ZNF626: variants seen among roughly 807,000 people sequenced by gnomAD.
ZNF626 encodes the protein CTC-513N18.7.
Under a neutral mutation model 11.7 loss-of-function variants are expected in ZNF626, and 4 were observed. The observed-to-expected ratio is 0.34, with a 90% CI of 0.17 to 0.78. The LOEUF (loss-of-function observed/expected upper bound fraction) is 0.78, where lower values mean the gene tolerates loss of function less well. Ranked by LOEUF, ZNF626 falls within the 30% of genes least tolerant of loss-of-function variation. The pLI is 0.57. For missense variants in ZNF626, 588 were observed against 587.1 expected (o/e 1.00, Z -0.01); for synonymous variants, 179 against 198.6 (o/e 0.90, Z 0.83).
At chr19:20,641,240 G>A (rs1410880977) in intron 3 of ZNF626, among the ~76,000 whole-genome samples, 1 of 150,976 alleles carries the variant, frequency 6.6e-6, no homozygotes, top group Non-Finnish European at 1.5e-5. Context: ...CAACCCAGAT[G>A]TCTCTTGATT....
At chr19:20,661,070 A>G (rs612578) in intron 1 of ZNF626, among the ~76,000 whole-genome samples, 32,709 of 152,144 alleles carry the variant, frequency 0.21, 4,098 homozygotes, top group East Asian at 0.37. Context: ...GAGAAAAGAG[A>G]AACTGTAAAC....
rs1599470045 is a variant in ZNF626, at chr19:20,624,830, G to C, written c.1047C>G (p.Ala349=). Residue 349 remains alanine (A), a synonymous_variant, in exon 4 of 4, where the codon GCC becomes GCG. Transcript: ENST00000601440. ...KPYKCEECGK[A]FKYSSTLTTH... is the part of the protein sequence containing the mutation. ...TAGTAAGGGTAGAGGAGTACTTAAA[G>C]GCTTTGCCACATTCTTCACATTTGT... 1 of 1,613,196 alleles carries C rather than the reference G, an allele frequency of 6.2e-7. No individual in the cohort carries two copies. Among genetic ancestry groups the C allele is most frequent in the South Asian group, 1.1e-5 (1 of 91,028 alleles).
chr19:20,625,157 G>A lies in ZNF626; in HGVS notation c.720C>T (p.His240=), dbSNP rs201517482. The change falls in exon 4 of 4, where the codon CAC becomes CAT. Residue 240 remains histidine, a synonymous_variant. Coordinates refer to ENST00000601440, the MANE Select transcript of ZNF626 (RefSeq NM_001076675.3). Reference sequence around the variant, plus strand: ...TCTTATGTGTAGTAAGAGTGGAGGAGTGCTTAAAGGCTTTGCCACATTCTT... The same window carrying A: ...TCTTATGTGTAGTAAGAGTGGAGGAATGCTTAAAGGCTTTGCCACATTCTT... ...KCEECGKAFK[H]SSTLTTHKRN... The A allele has an allele frequency of 5.6e-6, 9 of 1,611,624 alleles. No homozygotes were observed. The highest frequency in any genetic ancestry group is 1.3e-5 in the African/African-American group (1 of 74,440).
At position 20,625,112 on chromosome 19, in the gene ZNF626, T is replaced by C; in HGVS notation, c.765A>G (p.Lys255=). ...TGCCACATTTATCACACTTGTAGGG[T>C]TTCTCTCCAGTATGATTTCTCTTAT... ...TTHKRNHTGE[K]PYKCDKCGKA... is the part of the protein sequence containing the mutation. The change falls in exon 4 of 4, where the codon AAA becomes AAG. Residue 255 remains lysine (K), a synonymous_variant. Transcript: ENST00000601440. The C allele has an allele frequency of 1.2e-6, 2 of 1,613,150 alleles. No individual in the cohort carries two copies. The highest frequency in any genetic ancestry group is 1.1e-5 in the South Asian group (1 of 91,004).
At chr19:20,657,701 A>G (rs1970219849) in intron 1 of ZNF626, among the ~76,000 whole-genome samples, 2 of 152,208 alleles carry the variant, frequency 1.3e-5, no homozygotes, top group African/African-American at 4.8e-5. Context: ...GCTACATAGG[A>G]GGCTGAGGCA....
At chr19:20,630,231 G>T (rs35447331) in intron 3 of ZNF626, among the ~76,000 whole-genome samples, 68,339 of 151,848 alleles carry the variant, frequency 0.45, 16,654 homozygotes, top group African/African-American at 0.64. Flanking sequence ...GATATTGGTC[G>T]AAAATTCTCT....
intron 3 of ZNF626, among the ~76,000 whole-genome samples, chr19:20,640,452 TAAC>T (rs1376088544): frequency 6.6e-6 from 1 of 150,940 alleles, no homozygotes; most frequent in Non-Finnish European, 1.5e-5. Context: ...AATTCAAGAG[TAAC>T]AACATCCCTT....
chr19:20,625,529 TC>T lies in ZNF626; in HGVS notation c.347del (p.Gly116AspfsTer3), dbSNP rs782250960. 12 of 1,613,460 alleles carry T rather than the reference TC, an allele frequency of 7.4e-6. No individual in the cohort carries two copies. The African/African-American group carries it at 8.0e-5, about 11-fold the overall frequency. ...CEHDNLQLKKGCISVDECKVH... is the reference protein window; with the variant it reads ...CEHDNLQLKKXCISVDECKVH... ...CCTTACACTCATCCACACTTATACA[TC>T]CTTTTTTTAACTGTAAATTGTCATG... On this transcript the variant is annotated frameshift_variant, in exon 4 of 4. Transcript: ENST00000601440. LOFTEE classifies it low-confidence loss of function (END_TRUNC).
intron 1 of ZNF626, among the ~76,000 whole-genome samples, chr19:20,656,935 T>C (rs917634774): frequency 6.6e-6 from 1 of 152,242 alleles, no homozygotes; most frequent in African/African-American, 2.4e-5. Context: ...CCCAGGAATC[T>C]CATAATTGGG....
chr19:20,645,753 T>G lies in ZNF626; in HGVS notation c.157A>C (p.Ile53Leu), dbSNP rs1970070402. ...LGITVSKPDL[I>L]TCLEQGRKPL... ...TTTCTTCCTTGCTCCAGACAGGTGA[T>G]CAGGTCTGGCTTAGAAACAGTAATA... The change falls in exon 3 of 4, where the codon ATC becomes CTC. Residue 53 changes from isoleucine to leucine, a missense_variant. Ile to Leu is a conservative substitution (Grantham distance 5). This residue lies in a region of ZNF626 where 524 missense variants were observed against 470.1 expected (regional missense o/e 1.11). Transcript: ENST00000601440. 1 of 1,610,936 alleles carries G rather than the reference T, an allele frequency of 6.2e-7. No homozygotes were observed. Among genetic ancestry groups the G allele is most frequent in the Admixed American group, 1.7e-5 (1 of 58,798 alleles).
intron 1 of ZNF626, among the ~76,000 whole-genome samples, chr19:20,653,651 A>G (rs1219117020): frequency 6.4e-5 from 6 of 93,570 alleles, no homozygotes; most frequent in African/African-American, 4.4e-4. Context: ...CAAAAAAAAA[A>G]AGAAAAAGAA....
rs1288531358 is a variant in ZNF626, at chr19:20,661,510, G to A, written c.-64C>T. On this transcript the variant is annotated 5_prime_UTR_variant, in exon 1 of 4. Transcript: ENST00000601440. ...TCTCCCAATACCTGCAGGACACGGG[G>A]CCACACAGCCTGGGCCTTTAGGAGA... 1 of 1,586,148 alleles carries A rather than the reference G, an allele frequency of 6.3e-7. No homozygotes were observed. Among genetic ancestry groups the A allele is most frequent in the Non-Finnish European group, 8.6e-7 (1 of 1,166,348 alleles).
At chr19:20,630,398 C>A (rs1337771774) in intron 3 of ZNF626, among the ~76,000 whole-genome samples, 7 of 141,620 alleles carry the variant, frequency 4.9e-5, no homozygotes, top group Non-Finnish European at 9.1e-5. Context: ...GGCTGTGAAT[C>A]CATCTGGTCC....
Position 20,621,427 on chromosome 19 carries a change from CTATTTA to C in ZNF626, c.*2857_*2862del, listed in dbSNP as rs1320944691. On this transcript the variant is annotated 3_prime_UTR_variant, in exon 4 of 4. Coordinates refer to ENST00000601440, the MANE Select transcript of ZNF626 (RefSeq NM_001076675.3). The stretch of plus-strand genomic sequence containing the variant: ...TGAGCCACTGCGTCCAGCCCATATT[CTATTTA>C]TATTTCTGTATAATTTTTATTATGA... 2 of 152,250 alleles carry C rather than the reference CTATTTA, an allele frequency of 1.3e-5. No individual in the cohort carries two copies. Among genetic ancestry groups the C allele is most frequent in the African/African-American group, 2.4e-5 (1 of 41,556 alleles). 9.4% of individuals were successfully genotyped at this position (152,250 alleles called of 1,614,324 possible). A position where few individuals can be genotyped will look rare whatever the true frequency, so the allele number is the denominator to read the frequency against.
Position 20,624,933 on chromosome 19 carries a change from C to T in ZNF626, c.944G>A (p.Cys315Tyr), listed in dbSNP as rs1204357888. The stretch of plus-strand genomic sequence containing the variant: ...CTTAAAGGCTTTGTCACATTCTTCA[C>T]ATTTGTAGGGTTTTTCTCCAGTATG... ...IIHTGEKPYK[C>Y]EECDKAFKYS... Residue 315 changes from cysteine to tyrosine, a missense_variant, in exon 4 of 4, where the codon TGT (cysteine) becomes TAT (tyrosine). Transcript: ENST00000601440. 3 of 1,613,732 alleles carry T rather than the reference C, an allele frequency of 1.9e-6. No individual in the cohort carries two copies. The highest frequency in any genetic ancestry group is 2.5e-6 in the Non-Finnish European group (3 of 1,179,938).
chr19:20,646,482 A>C, intron 1 of ZNF626, 77 bp from the exon 2 acceptor site: 1 of 1,608,226 alleles, frequency 6.2e-7, no homozygotes, highest in Non-Finnish European at 8.5e-7. Flanking sequence ...GTGAAATAAG[A>C]GAGTAAAGAG....
At position 20,624,306 on chromosome 19, in the gene ZNF626, A is replaced by G. The variant is rs373647583; in HGVS notation, c.1571T>C (p.Leu524Ser). Residue 524 changes from leucine to serine, a missense_variant, in exon 4 of 4, where the codon TTA (leucine) becomes TCA (serine). Physicochemically the swap from Leu to Ser is moderately radical, Grantham distance 145 (BLOSUM62 -2). Transcript: ENST00000601440. ...CAGTATGAATTATCTTATGTGTAGT[A>G]AGGTGTGAGGACCGCTTGAAGGCTT... is the stretch of plus-strand genomic sequence containing the variant. The part of the protein sequence containing the change: ...VAKPSSGPHT[L>S]LHIR 106 of 1,613,988 alleles carry G rather than the reference A, an allele frequency of 6.6e-5. No individual in the cohort carries two copies. In the African/African-American group the frequency reaches 1.3e-3, roughly 20 times the overall value.
chr19:20,630,913 T>G (rs1387700098), intron 3 of ZNF626, among the ~76,000 whole-genome samples: 2 of 151,918 alleles, frequency 1.3e-5, no homozygotes, highest in Non-Finnish European at 2.9e-5. Context: ...GGGCATTTAG[T>G]GCTATAAATT....
chr19:20,641,108 C>T (rs1285698862), intron 3 of ZNF626, among the ~76,000 whole-genome samples: 10 of 141,378 alleles, frequency 7.1e-5, no homozygotes, highest in African/African-American at 2.4e-4. Context: ...TGCACTCTAG[C>T]GTGGGTGACA....
Sources: allele counts gnomAD v4.1 joint callset (sites outside exome capture counted in the v4.1 genomes callset), GRCh38; gene constraint gnomAD v4.1.1; regional missense constraint gnomAD v4.1.1; transcripts MANE v1.5; gene names NCBI Gene and HGNC (gene_info 2026-07-23, HGNC 2026-07-21).